MYCBP2: variants seen among roughly 807,000 people sequenced by gnomAD.
MYCBP2 encodes the protein E3 ubiquitin-protein ligase MYCBP2.
A neutral mutation model predicts 525.3 loss-of-function variants in MYCBP2; 120 were observed. The observed-to-expected ratio is 0.23, with a 90% CI of 0.20 to 0.27. The LOEUF (loss-of-function observed/expected upper bound fraction) is 0.27, where lower values mean the gene tolerates loss of function less well. Among genes scored for constraint, MYCBP2 ranks in the 10% least tolerant of loss-of-function variants. The pLI is 1.00. For missense variants in MYCBP2, 4,149 were observed against 5,657.1 expected, an observed-to-expected ratio of 0.73 and a Z score of 8.55; for synonymous variants, 1,894 against 1,955.8, an observed-to-expected ratio of 0.97 and a Z score of 0.83.
At chr13:77,303,895 A>C (rs1479489764) in intron 1 of MYCBP2, among the ~76,000 whole-genome samples, 1 of 152,242 alleles carries the variant, frequency 6.6e-6, no homozygotes, top group Non-Finnish European at 1.5e-5. Flanking sequence ...TACCAATGAA[A>C]TGGAAAGCAG....
rs1293184347 is a variant in MYCBP2 at position 77,062,682 on chromosome 13, C to T, written c.12688G>A (p.Ala4230Thr). The T allele has an allele frequency of 1.2e-6, 2 of 1,614,012 alleles. No individual in the cohort carries two copies. The highest frequency in any genetic ancestry group is 1.7e-6 in the Non-Finnish European group (2 of 1,179,916). ...TCCTGATCAAGAACACATAGGGATG[C>T]GAGAGCAAGCCAGAGCTGTTGAAAG... ...IATTRLWLAL[A>T]SLCVLDQDHV... The change falls in exon 74 of 83, where the codon GCA becomes ACA. Residue 4230 changes from alanine to threonine, a missense_variant. Physicochemically the swap from Ala to Thr is moderately conservative, Grantham distance 58. This residue lies in a region of MYCBP2 where 220 missense variants were observed against 396.0 expected (regional missense o/e 0.56). Transcript: ENST00000544440.
rs757793964 is a variant in MYCBP2 at position 77,097,472 on chromosome 13, C to T, written c.9682G>A (p.Ala3228Thr). 3 of 1,613,414 alleles carry T rather than the reference C, an allele frequency of 1.9e-6. No individual in the cohort carries two copies. The highest frequency in any genetic ancestry group is 2.5e-6 in the Non-Finnish European group (3 of 1,179,706). Residue 3228 changes from alanine to threonine, a missense_variant, in exon 56 of 83, where the codon GCC (alanine) becomes ACC (threonine). Around this residue, in one of 21 missense-constraint regions of MYCBP2, gnomAD observed 653 missense variants for 744.7 expected, o/e 0.88. Transcript: ENST00000544440. ...TCTGGTCCTCCTACTGCCAGCTGGG[C>T]CATCTCTCCAAACAAATTACCCCTG... Reference protein sequence around the residue: ...RPRGNLFGEMAQLAVGGPEKD... With the variant: ...RPRGNLFGEMTQLAVGGPEKD...
At chr13:77,166,203 G>A (rs1418107550) in intron 41 of MYCBP2, 126 bp downstream of exon 41, 1 of 699,176 alleles carries the variant, frequency 1.4e-6, no homozygotes, top group Non-Finnish European at 2.3e-6. Flanking sequence ...ATGCAATCCA[G>A]ATACATAGTA....
chr13:77,123,001 C>T (rs1271137843), intron 54 of MYCBP2, among the ~76,000 whole-genome samples: 1 of 152,184 alleles, frequency 6.6e-6, no homozygotes, highest in Admixed American at 6.5e-5. Context: ...GTCTAGCACC[C>T]AGAGTGAAGT....
At chr13:77,166,279 C>A (rs1356508200) in intron 41 of MYCBP2, 50 bp downstream of exon 41, 2 of 1,292,916 alleles carry the variant, frequency 1.5e-6, no homozygotes, top group South Asian at 1.4e-5. Flanking sequence ...ACTAAATATA[C>A]ATAAATGCAC....
At chr13:77,211,872 C>G (rs1036927575) in intron 22 of MYCBP2, 84 bp downstream of exon 22, 5 of 1,105,480 alleles carry the variant, frequency 4.5e-6, no homozygotes, top group Non-Finnish European at 6.6e-6. Flanking sequence ...TACAAAAGTA[C>G]ATTTCATTAA....
chr13:77,159,632 GTTTGATAAGTGTGTAGGCC>G (rs2057639623), intron 44 of MYCBP2, among the ~76,000 whole-genome samples: 1 of 152,118 alleles, frequency 6.6e-6, no homozygotes, highest in Non-Finnish European at 1.5e-5. Flanking sequence ...ATATCTGGTT[GTTTGATAAGTGTGTAGGCC>G]TTTCCCCTTC....
intron 55 of MYCBP2, 175 bp downstream of exon 55, chr13:77,121,198 C>CA: frequency 1.7e-6 from 1 of 573,560 alleles, no homozygotes; most frequent in African/African-American, 1.9e-5. Flanking sequence ...AAAACAACAG[C>CA]AAAAAACAAT....
chr13:77,117,728 G>A (rs2050025376), intron 55 of MYCBP2, among the ~76,000 whole-genome samples: 1 of 152,102 alleles, frequency 6.6e-6, no homozygotes, highest in Non-Finnish European at 1.5e-5. Context: ...AAAAGTTTAG[G>A]TGGAAGGTTC....
intron 5 of MYCBP2, among the ~76,000 whole-genome samples, chr13:77,272,720 A>G (rs1171757439): frequency 1.3e-5 from 2 of 152,164 alleles, no homozygotes; most frequent in Non-Finnish European, 2.9e-5. Context: ...TTGTTTGACC[A>G]GGAGAGTTCA....
chr13:77,151,074 G>T, intron 46 of MYCBP2, 125 bp from the exon 47 acceptor site: 1 of 778,616 alleles, frequency 1.3e-6, no homozygotes, highest in Non-Finnish European at 2.0e-6. Flanking sequence ...TCTGTCTCTG[G>T]CATTCCCTTC....
chr13:77,233,731 T>C (rs983938604), intron 17 of MYCBP2, among the ~76,000 whole-genome samples: 3 of 152,080 alleles, frequency 2.0e-5, no homozygotes, highest in African/African-American at 7.2e-5. Flanking sequence ...TTTGTATTAA[T>C]CTTGCTACAA....
At chr13:77,077,447 T>C in intron 66 of MYCBP2, 60 bp from the exon 67 acceptor site, 1 of 1,592,558 alleles carries the variant, frequency 6.3e-7, no homozygotes, top group Non-Finnish European at 8.6e-7. Context: ...ATCACTGTGC[T>C]GGACTTAGCA....
At chr13:77,053,940 T>C (rs1015518746) in intron 80 of MYCBP2, among the ~76,000 whole-genome samples, 3 of 152,198 alleles carry the variant, frequency 2.0e-5, no homozygotes, top group Non-Finnish European at 2.9e-5. Flanking sequence ...ATGGAACTTA[T>C]CAAGTAGGGC....
Position 77,318,477 on chromosome 13 carries a change from C to A in MYCBP2, c.302+7997G>T, listed in dbSNP as rs138946380. ...TTCTTAAAAACTACAAATACTGGGC[C>A]AGGCGCAGTGGCTCACGCCTGTAAT... On this transcript the variant is annotated intron_variant, in intron 1 of 82. Coordinates refer to ENST00000544440, the MANE Select transcript of MYCBP2 (RefSeq NM_015057.5). Among the ~76,000 whole-genome samples, 258 of 152,240 alleles carry A rather than the reference C, an allele frequency of 1.7e-3. 2 individuals are homozygous for A. Among genetic ancestry groups the A allele is most frequent in the African/African-American group, 6.1e-3 (252 of 41,518 alleles).
At chr13:77,228,691 T>TTGTGTGTGTGTGTGTGTGTG (rs34441629) in intron 18 of MYCBP2, among the ~76,000 whole-genome samples, 1 of 147,186 alleles carries the variant, frequency 6.8e-6, no homozygotes, top group South Asian at 2.2e-4. Flanking sequence ...GATGAATATG[T>TTGTGTGTGTGTGTGTGTGTG]TGTGTGTGTG....
Position 77,224,454 on chromosome 13 carries a change from G to C in MYCBP2, c.2936C>G (p.Ser979Cys), listed in dbSNP as rs771954090. 5 of 1,596,424 alleles carry C rather than the reference G, an allele frequency of 3.1e-6. No homozygotes were observed. The highest frequency in any genetic ancestry group is 2.3e-5 in the East Asian group (1 of 44,442). ...CAAATGAAAAGTTAGCAAGTACCTG[G>C]AGTTGACATCTCCATGTCCTAGCTG... ...HGQLGHGDVN[S>C]RGCPTLVQAL... The change falls in exon 20 of 83, where the codon TCC (serine) becomes TGC (cysteine). Residue 979 changes from serine to cysteine, a missense_variant. By Grantham distance (112) the Ser-to-Cys change is moderately radical. Around this residue, in one of 21 missense-constraint regions of MYCBP2, gnomAD observed 620 missense variants for 795.5 expected, o/e 0.78. Coordinates refer to ENST00000544440, the MANE Select transcript of MYCBP2 (RefSeq NM_015057.5).
chr13:77,104,596 TG>T (rs1309295556), intron 55 of MYCBP2, among the ~76,000 whole-genome samples: 1 of 152,016 alleles, frequency 6.6e-6, no homozygotes, highest in Admixed American at 6.6e-5. Context: ...TAGATGAGGA[TG>T]TAGAAAGGAG....
At chr13:77,101,072 T>G (rs748791591) in intron 55 of MYCBP2, among the ~76,000 whole-genome samples, 8 of 152,128 alleles carry the variant, frequency 5.3e-5, no homozygotes, top group Admixed American at 2.6e-4. Context: ...ATGTGATGTT[T>G]GGAATACTTG....
Sources: gnomAD v4.1 joint callset for allele counts (sites outside exome capture counted in the v4.1 genomes callset) on GRCh38, gnomAD v4.1.1 for gene constraint, gnomAD v4.1.1 regional missense constraint, MANE v1.5 for transcripts, NCBI Gene and HGNC (gene_info 2026-07-23, HGNC 2026-07-21) for gene names.